The following SPEN variants were observed in gnomAD, a reference collection of about 807,000 sequenced individuals.
SPEN encodes the protein msx2-interacting protein.
A neutral mutation model predicts 269.9 loss-of-function variants in SPEN; 18 were observed. The observed-to-expected ratio is 0.07, with a 90% CI of 0.05 to 0.10. The LOEUF is 0.10. SPEN is among the 10% of genes least tolerant of loss of function. The pLI is 1.00. For synonymous variants in SPEN, 1,726 were observed against 1,765.7 expected (o/e 0.98, Z 0.56); for missense variants, 3,822 against 4,631.2 (o/e 0.83, Z 5.07).
intron 3 of SPEN, among the ~76,000 whole-genome samples, chr1:15,890,356 C>T (rs891394991): frequency 3.3e-5 from 5 of 151,732 alleles, no homozygotes; most frequent in Non-Finnish European, 7.4e-5. Context: ...CTCAGCCTCC[C>T]GAGTAGCTGG....
intron 1 of SPEN, among the ~76,000 whole-genome samples, chr1:15,866,181 A>G (rs1013169046): frequency 1.3e-5 from 2 of 152,092 alleles, no homozygotes; most frequent in Admixed American, 6.6e-5. Flanking sequence ...TAGTAGAGAA[A>G]TACTTCAGGG....
In SPEN at chr1:15,848,481, C is replaced by G. The variant is rs1019447298; in HGVS notation, c.83+331C>G. Among the ~76,000 whole-genome samples the G allele has an allele frequency of 6.6e-6, 1 of 151,844 alleles. No homozygotes were observed. Among genetic ancestry groups the G allele is most frequent in the African/African-American group, 2.4e-5 (1 of 41,388 alleles). On this transcript the variant is annotated intron_variant, in intron 1 of 14. Transcript: ENST00000375759. This position sits in a 1 kb window ranked among gnomAD's most constrained non-coding sequence, Gnocchi z 5.1. ...TCAGCCCGGGAGTCGGTGGGAGATG[C>G]GCTGGGCGGCGGGGTCGCGTCCTTG...
Position 15,934,016 on chromosome 1 carries a change from C to G in SPEN, c.7776C>G (p.Asn2592Lys), listed in dbSNP as rs751115506. The change falls in exon 11 of 15, where the codon AAC (asparagine) becomes AAG (lysine). Residue 2592 changes from asparagine (N) to lysine (K), a missense_variant. Transcript: ENST00000375759. The surrounding 1 kb of genome is among the most constrained non-coding windows in gnomAD (Gnocchi z 9.2). ...AAAAAACAGCACCTCCAGTGACAAA[C>G]AACTCTGAGATACAAGCCTCGGAGG... ...LEEKTAPPVT[N>K]NSEIQASEVL... The G allele has an allele frequency of 1.2e-6, 2 of 1,613,978 alleles. No individual in the cohort carries two copies. Among genetic ancestry groups the G allele is most frequent in the Non-Finnish European group, 1.7e-6 (2 of 1,179,926 alleles).
In SPEN at chr1:15,928,697, T is replaced by A; in HGVS notation, c.2457T>A (p.Thr819=). 1 of 1,613,672 alleles carries A rather than the reference T, an allele frequency of 6.2e-7. No homozygotes were observed. Among genetic ancestry groups the A allele is most frequent in the Non-Finnish European group, 8.5e-7 (1 of 1,180,008 alleles). The part of the protein sequence containing the change: ...IRKEKVEKDK[T]DKQKRKGKVH... ...AGGAAAAAGTGGAAAAGGACAAAAC[T>A]GACAAGCAGAAACGCAAAGGAAAGG... Residue 819 remains threonine (T), a synonymous_variant, in exon 11 of 15, where the codon ACT becomes ACA. Transcript: ENST00000375759. The surrounding 1 kb of genome is among the most constrained non-coding windows in gnomAD (Gnocchi z 5.7).
Position 15,937,858 on chromosome 1 carries a change from C to A in SPEN, c.10556C>A (p.Thr3519Lys). The change falls in exon 13 of 15, where the codon ACA becomes AAA. Residue 3519 changes from threonine (T) to lysine (K), a missense_variant. Thr to Lys is a moderately conservative substitution (Grantham distance 78). Around this residue, in one of 16 missense-constraint regions of SPEN, gnomAD observed 103 missense variants for 215.8 expected, o/e 0.48. Coordinates refer to ENST00000375759, the MANE Select transcript of SPEN (RefSeq NM_015001.3). The surrounding 1 kb of genome is among the most constrained non-coding windows in gnomAD (Gnocchi z 5.7). ...WQGLLALKND[T>K]AAVQLHFVSG... Reference sequence around the variant, plus strand: ...GGCCTGCTGGCCCTCAAGAATGACACAGCTGCTGTGCAGCTCCACTTCGTC... The same window carrying A: ...GGCCTGCTGGCCCTCAAGAATGACAAAGCTGCTGTGCAGCTCCACTTCGTC... 6.2e-7 allele frequency: 1 copy of A among 1,614,132 alleles called. No individual in the cohort carries two copies.
rs200225571 is a variant in SPEN, at chr1:15,933,704, G to T, written c.7464G>T (p.Gly2488=). ...AKLSPPVASG[G]IPHQSPPTKV... ...TCTCACCTCCTGTCGCCTCTGGGGG[G>T]ATCCCACACCAGAGCCCCCCTACTA... is the stretch of plus-strand genomic sequence containing the variant. The change falls in exon 11 of 15, where the codon GGG becomes GGT. Residue 2488 remains glycine, a synonymous_variant. Transcript: ENST00000375759. The surrounding 1 kb of genome is among the most constrained non-coding windows in gnomAD (Gnocchi z 5.7). The T allele has an allele frequency of 6.2e-7, 1 of 1,614,106 alleles. No homozygotes were observed. The highest frequency in any genetic ancestry group is 8.5e-7 in the Non-Finnish European group (1 of 1,180,014).
chr1:15,915,838 T>C (rs2071062306), intron 5 of SPEN, among the ~76,000 whole-genome samples: 1 of 152,202 alleles, frequency 6.6e-6, no homozygotes, highest in African/African-American at 2.4e-5. Context: ...CCTTCCCAGC[T>C]AATTTAGCAG....
At chr1:15,882,088 T>A (rs1372309161) in intron 3 of SPEN, among the ~76,000 whole-genome samples, 1 of 152,138 alleles carries the variant, frequency 6.6e-6, no homozygotes, top group Non-Finnish European at 1.5e-5. Context: ...AGTTGTGAAG[T>A]CCTTATAAAT....
rs747459170 is a variant in SPEN at position 15,936,168 on chromosome 1, G to A, written c.9928G>A (p.Asp3310Asn). 5.0e-6 allele frequency: 8 copies of A among 1,608,576 alleles called. No homozygotes were observed. The highest frequency in any genetic ancestry group is 1.7e-4 in the Middle Eastern group (1 of 6,044). ...GCTGTTTCAAGAGTACCGGTACGGC[G>A]ACATCCGCACCTACCACCCCCCGGC... Reference protein sequence around the residue: ...GELFQEYRYGDIRTYHPPAQL... With the variant: ...GELFQEYRYGNIRTYHPPAQL... Residue 3310 changes from aspartate (D) to asparagine (N), a missense_variant, in exon 11 of 15, where the codon GAC becomes AAC. Asp to Asn is a conservative substitution (Grantham distance 23, BLOSUM62 1). Coordinates refer to ENST00000375759, the MANE Select transcript of SPEN (RefSeq NM_015001.3).
In SPEN at chr1:15,933,669, G is replaced by A; in HGVS notation, c.7429G>A (p.Ala2477Thr). 1 of 1,614,110 alleles carries A rather than the reference G, an allele frequency of 6.2e-7. No homozygotes were observed. Among genetic ancestry groups the A allele is most frequent in the Middle Eastern group, 1.6e-4 (1 of 6,062 alleles). Residue 2477 changes from alanine to threonine, a missense_variant, in exon 11 of 15, where the codon GCA (alanine) becomes ACA (threonine). This residue lies in a region of SPEN where 727 missense variants were observed against 737.9 expected (regional missense o/e 0.99). Transcript: ENST00000375759. This position sits in a 1 kb window ranked among gnomAD's most constrained non-coding sequence, Gnocchi z 5.7. ...CATACCCACACTGCCTTCTGTAACT[G>A]CAGCAAAGCTCTCACCTCCTGTCGC... ...IPIPTLPSVT[A>T]AKLSPPVASG...
At chr1:15,883,724 T>A (rs112066449) in intron 3 of SPEN, among the ~76,000 whole-genome samples, 1 of 151,976 alleles carries the variant, frequency 6.6e-6, no homozygotes, top group African/African-American at 2.4e-5. Context: ...TATTTTTTTT[T>A]AATTACATAT....
At chr1:15,871,275 T>C (rs1420129244) in intron 1 of SPEN, among the ~76,000 whole-genome samples, 1 of 149,662 alleles carries the variant, frequency 6.7e-6, no homozygotes, top group African/African-American at 2.5e-5. Flanking sequence ...GCCTCAACAG[T>C]GCCTTTTAAA....
rs2071267384 is a variant in SPEN at position 15,935,664 on chromosome 1, C to T, written c.9424C>T (p.Pro3142Ser). 2.5e-6 allele frequency: 4 copies of T among 1,613,998 alleles called. No individual in the cohort carries two copies. In the African/African-American group the frequency reaches 5.3e-5, roughly 22 times the overall value. ...CCCACAGCGTGCCAGCACCCCGCAGCCAGCCCCAGCTGGTGTGCCTGCACT... is the reference window on the plus strand; with the variant it reads ...CCCACAGCGTGCCAGCACCCCGCAGTCAGCCCCAGCTGGTGTGCCTGCACT... Reference protein sequence around the residue: ...RAPQRASTPQPAPAGVPALAS... With the variant: ...RAPQRASTPQSAPAGVPALAS... Residue 3142 changes from proline (P) to serine (S), a missense_variant, in exon 11 of 15, where the codon CCA becomes TCA. Pro to Ser is a moderately conservative substitution (Grantham distance 74). Transcript: ENST00000375759. The surrounding 1 kb of genome is among the most constrained non-coding windows in gnomAD (Gnocchi z 7.7).
intron 13 of SPEN, 131 bp from the exon 14 acceptor site, chr1:15,938,587 T>TTAA: frequency 2.9e-6 from 1 of 346,496 alleles, no homozygotes; most frequent in Non-Finnish European, 4.9e-6. Context: ...TTTTTTTTCA[T>TTAA]TCAAATATCA....
At chr1:15,909,513 T>C in intron 4 of SPEN, 32 bp downstream of exon 4, 1 of 1,601,480 alleles carries the variant, frequency 6.2e-7, no homozygotes, top group Non-Finnish European at 8.5e-7. Context: ...CTTTCCTCTG[T>C]GCTACTACTG....
intron 10 of SPEN, 129 bp from the exon 11 acceptor site, chr1:15,927,962 T>C (rs925991872): frequency 1.2e-6 from 1 of 868,298 alleles, no homozygotes; most frequent in African/African-American, 1.7e-5. Context: ...TACAAACTAA[T>C]CATTTCACAA....
chr1:15,876,013 G>C (rs151029099), intron 2 of SPEN, among the ~76,000 whole-genome samples, 189 bp from the exon 3 acceptor site: 19 of 152,320 alleles, frequency 1.2e-4, no homozygotes, highest in African/African-American at 4.6e-4. Context: ...TTGCTCAGCT[G>C]TGAAAATAAT....
chr1:15,907,374 C>T (rs1016903179), intron 3 of SPEN, among the ~76,000 whole-genome samples: 8 of 152,006 alleles, frequency 5.3e-5, no homozygotes, highest in African/African-American at 9.6e-5. Context: ...CCCAGCTACT[C>T]GGGAGGCACG....
In SPEN at chr1:15,934,513, G is replaced by C; in HGVS notation, c.8273G>C (p.Gly2758Ala). Residue 2758 changes from glycine (G) to alanine (A), a missense_variant, in exon 11 of 15, where the codon GGC (glycine) becomes GCC (alanine). Physicochemically the swap from Gly to Ala is moderately conservative, Grantham distance 60. Coordinates refer to ENST00000375759, the MANE Select transcript of SPEN (RefSeq NM_015001.3). This position sits in a 1 kb window ranked among gnomAD's most constrained non-coding sequence, Gnocchi z 9.2. The stretch of plus-strand genomic sequence containing the variant: ...TCTGGTGGTGTAACGGCCACAACAG[G>C]CACGGTGACAATGGCAGGGGCAGTG... The part of the protein sequence containing the change: ...AASGGVTATT[G>A]TVTMAGAVIA... The C allele has an allele frequency of 6.2e-7, 1 of 1,614,070 alleles. No homozygotes were observed. The highest frequency in any genetic ancestry group is 8.5e-7 in the Non-Finnish European group (1 of 1,180,036).
Sources: allele counts gnomAD v4.1 joint callset (sites outside exome capture counted in the v4.1 genomes callset), GRCh38; gene constraint gnomAD v4.1.1; regional missense constraint gnomAD v4.1.1; non-coding constraint Gnocchi (gnomAD v3.1); transcripts MANE v1.5; gene names NCBI Gene and HGNC (gene_info 2026-07-23, HGNC 2026-07-21).